IGFBP7: variants seen among roughly 807,000 people sequenced by gnomAD.
IGFBP7 encodes the protein insulin-like growth factor-binding protein 7.
In IGFBP7, 31 loss-of-function variants were observed where a neutral mutation model predicts 29.4. The ratio of observed to expected loss-of-function variants is 1.05; its 90% CI spans 0.79 to 1.42. The LOEUF (loss-of-function observed/expected upper bound fraction) is 1.42, where lower values mean the gene tolerates loss of function less well. Among genes scored for constraint, IGFBP7 ranks in the 40% most tolerant of loss-of-function variants. IGFBP7 has a pLI of 0.00. For synonymous variants in IGFBP7, 172 were observed against 174.9 expected, an observed-to-expected ratio of 0.98 and a Z score of 0.13; for missense variants, 393 against 395.5, an observed-to-expected ratio of 0.99 and a Z score of 0.05.
intron 1 of IGFBP7, among the ~76,000 whole-genome samples, chr4:57,067,215 C>T (rs940361894): frequency 1.3e-5 from 2 of 152,170 alleles, no homozygotes; most frequent in East Asian, 1.9e-4. Flanking sequence ...TTTTATGTTA[C>T]TTTCATCATT....
intron 1 of IGFBP7, among the ~76,000 whole-genome samples, chr4:57,085,563 T>C (rs895448685): frequency 2.3e-5 from 2 of 85,964 alleles, no homozygotes; most frequent in East Asian, 9.5e-4. Flanking sequence ...TTTTAGCTCA[T>C]GTTATTCAGA....
At chr4:57,065,627 G>A (rs1724901617) in intron 1 of IGFBP7, 1 of 152,258 alleles carries the variant, frequency 6.6e-6, no homozygotes, top group South Asian at 2.1e-4. Context: ...GCGTCCTGCT[G>A]AGCTGAAGGA....
In IGFBP7 at chr4:57,110,246, C is replaced by T; in HGVS notation, c.106G>A (p.Glu36Lys). The T allele has an allele frequency of 7.2e-7, 1 of 1,391,428 alleles. No individual in the cohort carries two copies. The highest frequency in any genetic ancestry group is 9.3e-7 in the Non-Finnish European group (1 of 1,074,848). The allele number at this position is 1,391,428 out of a possible 1,614,324, so 86.2% of individuals were successfully genotyped here. Residue 36 changes from glutamate to lysine, a missense_variant, in exon 1 of 5, where the codon GAG becomes AAG. Coordinates refer to ENST00000295666, the MANE Select transcript of IGFBP7 (RefSeq NM_001553.3). ...SSSSDTCGPC[E>K]PASCPPLPPL... ...GGCAGGGGCGGGCAGGAGGCCGGCT[C>T]GCAGGGGCCGCAGGTGTCCGAAGAG...
At chr4:57,084,864 CA>C (rs1471406523) in intron 1 of IGFBP7, among the ~76,000 whole-genome samples, 1 of 136,770 alleles carries the variant, frequency 7.3e-6, no homozygotes, top group African/African-American at 2.7e-5. Context: ...GATCACAGCT[CA>C]CTGCAACCTC....
chr4:57,103,009 C>T (rs1040492679), intron 1 of IGFBP7, among the ~76,000 whole-genome samples: 8 of 152,054 alleles, frequency 5.3e-5, no homozygotes, highest in African/African-American at 1.2e-4. Context: ...ATAAGGCAAG[C>T]GAGGTGAAGG....
At chr4:57,079,467 C>G (rs777821716) in intron 1 of IGFBP7, among the ~76,000 whole-genome samples, 93 of 152,078 alleles carry the variant, frequency 6.1e-4, no homozygotes, top group Admixed American at 4.3e-3. Flanking sequence ...TCCTCCTTTG[C>G]AGAGGTTCTT....
intron 1 of IGFBP7, among the ~76,000 whole-genome samples, chr4:57,071,270 C>T (rs559625425): frequency 1.3e-5 from 2 of 152,344 alleles, no homozygotes; most frequent in African/African-American, 4.8e-5. Context: ...TGGAAAGCCA[C>T]TTCTAGTCAA....
intron 1 of IGFBP7, among the ~76,000 whole-genome samples, chr4:57,082,982 G>A (rs1332468804): frequency 2.6e-5 from 4 of 151,952 alleles, no homozygotes; most frequent in Non-Finnish European, 2.9e-5. Flanking sequence ...AGCTTTATTA[G>A]TTCAATACAC....
chr4:57,072,094 C>G (rs1023058717), intron 1 of IGFBP7, among the ~76,000 whole-genome samples: 1 of 151,966 alleles, frequency 6.6e-6, no homozygotes, highest in Admixed American at 6.6e-5. Flanking sequence ...TTTCATCACC[C>G]AGGTATTAAG....
chr4:57,033,061 T>C (rs981503927), intron 3 of IGFBP7, 134 bp downstream of exon 3: 56 of 765,618 alleles, frequency 7.3e-5, no homozygotes, highest in Non-Finnish European at 1.3e-4. Flanking sequence ...AGCGACTCCA[T>C]GGTAAGGCTA....
chr4:57,031,625 C>G (rs1029707538), intron 4 of IGFBP7, among the ~76,000 whole-genome samples: 1 of 152,110 alleles, frequency 6.6e-6, no homozygotes, highest in African/African-American at 2.4e-5. Flanking sequence ...GGTTAAAGAC[C>G]TTTCCTTTGT....
chr4:57,066,172 G>A (rs1215737836), intron 1 of IGFBP7, among the ~76,000 whole-genome samples: 1 of 152,182 alleles, frequency 6.6e-6, no homozygotes, highest in Non-Finnish European at 1.5e-5. Flanking sequence ...GACTTACTCT[G>A]GTGACGCACT....
chr4:57,032,422 G>T lies in IGFBP7; in HGVS notation c.829+4C>A. 1.2e-6 allele frequency: 2 copies of T among 1,613,594 alleles called. No homozygotes were observed. Among genetic ancestry groups the T allele is most frequent in the Non-Finnish European group, 1.7e-6 (2 of 1,179,628 alleles). On this transcript the variant is annotated splice_donor_region_variant and intron_variant, in intron 4 of 4. Coordinates refer to ENST00000295666, the MANE Select transcript of IGFBP7 (RefSeq NM_001553.3). ...TTTAAATGGCTGTGAGATTTATTGT[G>T]TACCTTTTTTCACTGGTATTTCATG...
At chr4:57,062,274 A>C (rs2109766608) in intron 1 of IGFBP7, among the ~76,000 whole-genome samples, 1 of 152,336 alleles carries the variant, frequency 6.6e-6, no homozygotes, top group East Asian at 1.9e-4. Context: ...ACTGTAGGCC[A>C]AACTAGATTA....
chr4:57,032,647 G>T (rs1474235136), intron 3 of IGFBP7, 95 bp from the exon 4 acceptor site: 2 of 992,124 alleles, frequency 2.0e-6, no homozygotes, highest in African/African-American at 1.6e-5. Flanking sequence ...TTCCTAAGAT[G>T]ACCAGGGGAT....
At chr4:57,074,137 T>C (rs1725136975) in intron 1 of IGFBP7, among the ~76,000 whole-genome samples, 1 of 152,180 alleles carries the variant, frequency 6.6e-6, no homozygotes, top group Admixed American at 6.5e-5. Context: ...CCCAGCTCAC[T>C]ACAACCTCCA....
intron 1 of IGFBP7, among the ~76,000 whole-genome samples, chr4:57,094,049 T>G (rs1276850777): frequency 6.6e-6 from 1 of 152,162 alleles, no homozygotes; most frequent in African/African-American, 2.4e-5. Context: ...TTGGCTTGGC[T>G]TACACAGGGA....
chr4:57,082,815 A>T (rs1029250803), intron 1 of IGFBP7, among the ~76,000 whole-genome samples: 2 of 152,008 alleles, frequency 1.3e-5, no homozygotes, highest in Admixed American at 6.6e-5. Context: ...AATTTTTTTT[A>T]AAGTTTTATT....
intron 4 of IGFBP7, 61 bp downstream of exon 4, chr4:57,032,365 C>A (rs1022312743): frequency 1.3e-6 from 2 of 1,594,958 alleles, no homozygotes. Flanking sequence ...ATACTTAGTT[C>A]TGTTCTTTTT....
Sources: allele counts gnomAD v4.1 joint callset (sites outside exome capture counted in the v4.1 genomes callset), GRCh38; gene constraint gnomAD v4.1.1; transcripts MANE v1.5; gene names NCBI Gene and HGNC (gene_info 2026-07-23, HGNC 2026-07-21).